Variants in POU2F3 observed in about 807,000 individuals in gnomAD.
POU2F3 encodes POU class 2 homeobox 3.
A neutral mutation model predicts 59.2 loss-of-function variants in POU2F3; 23 were observed. The observed-to-expected ratio is 0.39, with a 90% CI of 0.28 to 0.55. POU2F3 has a LOEUF of 0.55. Among genes scored for constraint, POU2F3 ranks in the 20% least tolerant of loss-of-function variants. POU2F3 has a pLI of 0.66. For missense variants in POU2F3, 473 were observed against 544.5 expected, an observed-to-expected ratio of 0.87 and a Z score of 1.31; for synonymous variants, 190 against 214.6, an observed-to-expected ratio of 0.89 and a Z score of 1.00.
At position 120,308,554 on chromosome 11, in the gene POU2F3, C is replaced by T. The variant is rs531944777; in HGVS notation, c.907-871C>T. Among the ~76,000 whole-genome samples, 11 of 152,194 alleles carry T rather than the reference C, an allele frequency of 7.2e-5. No individual in the cohort carries two copies. In the South Asian group the frequency reaches 8.3e-4, roughly 11 times the overall value. ...AGGATCAGAACAAGGGAGTGGCGCC[C>T]GTGTAGCATGTATTGCTATGCCACA... On this transcript the variant is annotated intron_variant, in intron 9 of 12. Transcript: ENST00000543440.
intron 1 of POU2F3, among the ~76,000 whole-genome samples, chr11:120,241,009 G>C (rs953658315): frequency 4.6e-5 from 7 of 152,140 alleles, no homozygotes; most frequent in African/African-American, 1.2e-4. Context: ...CGGGAGTCAG[G>C]CTTCCCTGAA....
chr11:120,287,531 A>G (rs892181286), intron 3 of POU2F3, among the ~76,000 whole-genome samples: 1 of 152,218 alleles, frequency 6.6e-6, no homozygotes, highest in Non-Finnish European at 1.5e-5. Flanking sequence ...GGGATGTATC[A>G]GAGATTATTT....
intron 2 of POU2F3, among the ~76,000 whole-genome samples, chr11:120,253,889 G>A (rs1367316674): frequency 1.3e-5 from 2 of 152,158 alleles, no homozygotes; most frequent in African/African-American, 4.8e-5. Context: ...TCCCTCCCTG[G>A]AGATGTTGGG....
At chr11:120,238,168 A>G (rs1336618245), upstream of POU2F3, among the ~76,000 whole-genome samples, 1 of 152,176 alleles carries the variant, frequency 6.6e-6, no homozygotes, top group Non-Finnish European at 1.5e-5. Context: ...TGAACCTGGG[A>G]GGCGGAGATT....
At chr11:120,260,792 G>A (rs116632557) in intron 2 of POU2F3, among the ~76,000 whole-genome samples, 62 of 152,272 alleles carry the variant, frequency 4.1e-4, no homozygotes, top group African/African-American at 1.2e-3. Context: ...CCAGAACCTC[G>A]CACGGTGACT....
chr11:120,256,292 G>T (rs1165487075), intron 2 of POU2F3: 1 of 152,174 alleles, frequency 6.6e-6, no homozygotes, highest in African/African-American at 2.4e-5. Flanking sequence ...CAGGATTAAT[G>T]ATAGTCCCTA....
chr11:120,250,654 G>A (rs948158975), intron 2 of POU2F3, among the ~76,000 whole-genome samples: 2 of 152,152 alleles, frequency 1.3e-5, no homozygotes, highest in African/African-American at 2.4e-5. Flanking sequence ...GGGAGTCAAC[G>A]TAGAGAACCA....
chr11:120,271,112 T>C (rs1207845521), intron 3 of POU2F3, among the ~76,000 whole-genome samples: 1 of 152,174 alleles, frequency 6.6e-6, no homozygotes, highest in Non-Finnish European at 1.5e-5. Context: ...AATTCTGCAG[T>C]TTTATTCATC....
upstream of POU2F3, among the ~76,000 whole-genome samples, chr11:120,239,628 T>G (rs1565348015): frequency 6.6e-6 from 1 of 152,148 alleles, no homozygotes; most frequent in Non-Finnish European, 1.5e-5. Flanking sequence ...CTAGGTGAGC[T>G]TGGTCACCTG....
chr11:120,258,260 T>A (rs1388741534), intron 2 of POU2F3, among the ~76,000 whole-genome samples: 2 of 152,108 alleles, frequency 1.3e-5, no homozygotes, highest in African/African-American at 4.8e-5. Flanking sequence ...AAAGAGCCCC[T>A]TGGACTCTTA....
At chr11:120,260,103 G>C (rs1939528725) in intron 2 of POU2F3, among the ~76,000 whole-genome samples, 1 of 152,258 alleles carries the variant, frequency 6.6e-6, no homozygotes, top group Admixed American at 6.5e-5. Context: ...GAGAACCAGA[G>C]ATGGGAGAGG....
At chr11:120,305,364 C>T in intron 7 of POU2F3, 152 bp downstream of exon 7, 1 of 987,110 alleles carries the variant, frequency 1.0e-6, no homozygotes, top group South Asian at 1.9e-5. Context: ...GCACAGTTGC[C>T]ATTGGTAGGG....
At chr11:120,287,615 C>T (rs1940831629) in intron 3 of POU2F3, among the ~76,000 whole-genome samples, 1 of 152,182 alleles carries the variant, frequency 6.6e-6, no homozygotes, top group Admixed American at 6.5e-5. Flanking sequence ...CTTTTGGTAA[C>T]AAATTTGGTA....
At position 120,240,308 on chromosome 11, in the gene POU2F3, T is replaced by C; in HGVS notation, c.-36T>C. The C allele has an allele frequency of 3.0e-6, 4 of 1,355,726 alleles. No homozygotes were observed. In the South Asian group the frequency reaches 8.8e-5, roughly 30 times the overall value. 84.0% of individuals were successfully genotyped at this position (1,355,726 alleles called of 1,614,324 possible). On this transcript the variant is annotated 5_prime_UTR_variant, in exon 1 of 13. Transcript: ENST00000543440. ...CCGGCTGGGGCAGAGGCGAGGGGCC[T>C]GGGGGGGCGCTGGCTTTGGCCCCGC...
At chr11:120,283,595 T>C (rs1323943458) in intron 3 of POU2F3, among the ~76,000 whole-genome samples, 1 of 152,244 alleles carries the variant, frequency 6.6e-6, no homozygotes, top group African/African-American at 2.4e-5. Context: ...AACAGAGAAG[T>C]AGGCATCTTG....
intron 2 of POU2F3, among the ~76,000 whole-genome samples, chr11:120,247,830 T>C (rs911768591): frequency 6.6e-6 from 1 of 152,200 alleles, no homozygotes; most frequent in African/African-American, 2.4e-5. Flanking sequence ...GATTGCCCTT[T>C]TCTGGAAGCA....
chr11:120,313,549 T>G (rs1311952756), intron 10 of POU2F3, among the ~76,000 whole-genome samples: 1 of 152,146 alleles, frequency 6.6e-6, no homozygotes, highest in African/African-American at 2.4e-5. Context: ...TGGAATAAAA[T>G]GATTAGCAGG....
rs140768847 is a variant in POU2F3, at chr11:120,258,476, C to A, written c.98-10734C>A. Among the ~76,000 whole-genome samples the A allele has an allele frequency of 4.8e-3, 733 of 152,228 alleles. 9 individuals are homozygous for A. The highest frequency in any genetic ancestry group is 0.017 in the African/African-American group (710 of 41,538). ...CACATGGCTTGTCCTTTCTGGGACT[C>A]AGTTTCCTTACCTGTAAATGGTGGG... is the stretch of plus-strand genomic sequence containing the variant. On this transcript the variant is annotated intron_variant, in intron 2 of 12. Coordinates refer to ENST00000543440, the MANE Select transcript of POU2F3 (RefSeq NM_014352.4).
intron 6 of POU2F3, 57 bp from the exon 7 acceptor site, chr11:120,304,973 C>T (rs1390265367): frequency 3.6e-5 from 15 of 417,718 alleles, no homozygotes; most frequent in East Asian, 1.9e-4. Context: ...AAAAAAAAAT[C>T]AGAAAATGTT....
Sources: allele counts gnomAD v4.1 joint callset (sites outside exome capture counted in the v4.1 genomes callset), GRCh38; gene constraint gnomAD v4.1.1; transcripts MANE v1.5; gene names NCBI Gene and HGNC (gene_info 2026-07-23, HGNC 2026-07-21).